The following ANXA10 variants were observed in gnomAD, a reference collection of about 807,000 sequenced individuals.
ANXA10 encodes the protein annexin A10.
A neutral mutation model predicts 53.5 loss-of-function variants in ANXA10; 49 were observed. That is an observed-to-expected ratio of 0.92 (90% confidence interval 0.73 to 1.16). The LOEUF (loss-of-function observed/expected upper bound fraction) is 1.16, where lower values mean the gene tolerates loss of function less well. Ranked by LOEUF, ANXA10 falls within the 50% of genes most tolerant of loss-of-function variation. The pLI, the probability that ANXA10 is intolerant of heterozygous loss-of-function variation, is 0.00. For missense variants in ANXA10, 393 were observed against 394.4 expected, an observed-to-expected ratio of 1.00 and a Z score of 0.03; for synonymous variants, 131 against 128.9, an observed-to-expected ratio of 1.02 and a Z score of -0.11.
chr4:168,179,620 T>A (rs529599343), intron 9 of ANXA10, among the ~76,000 whole-genome samples: 84 of 152,326 alleles, frequency 5.5e-4, no homozygotes, highest in African/African-American at 1.8e-3. Context: ...CACTGTTCAA[T>A]CCATTTTATC....
chr4:168,102,323 T>A (rs1460893973), intron 1 of ANXA10, among the ~76,000 whole-genome samples: 1 of 152,074 alleles, frequency 6.6e-6, no homozygotes, highest in Non-Finnish European at 1.5e-5. Context: ...ATGATTTAAG[T>A]CATGTATCCA....
intron 3 of ANXA10, among the ~76,000 whole-genome samples, chr4:168,155,765 TGATATATCA>T (rs1731620633): frequency 5.8e-5 from 1 of 17,264 alleles, no homozygotes; most frequent in Non-Finnish European, 8.7e-5. Flanking sequence ...ATATAATATA[TGATATATCA>T]TATATTATAT....
chr4:168,155,869 CATATATTATATGTTATATATA>C (rs1560783946), intron 3 of ANXA10, among the ~76,000 whole-genome samples: 159 of 3,042 alleles, frequency 0.052, 10 homozygotes, highest in African/African-American at 0.11. Context: ...TATGATATAT[CATATATTATATGTTATATATA>C]ATATATGATA....
intron 6 of ANXA10, among the ~76,000 whole-genome samples, chr4:168,170,911 C>T (rs978701953): frequency 3.3e-5 from 5 of 152,082 alleles, no homozygotes; most frequent in South Asian, 2.1e-4. Flanking sequence ...ATAGTCTCTT[C>T]GAAAATCAGA....
At chr4:168,172,935 G>A (rs1030888376) in intron 6 of ANXA10, among the ~76,000 whole-genome samples, 4 of 151,968 alleles carry the variant, frequency 2.6e-5, no homozygotes, top group Non-Finnish European at 4.4e-5. Flanking sequence ...GATTACAGAT[G>A]CCTGTCACCA....
intron 6 of ANXA10, 76 bp downstream of exon 6, chr4:168,165,402 AAAAAT>A: frequency 1.3e-6 from 1 of 780,020 alleles, no homozygotes; most frequent in Non-Finnish European, 1.9e-6. Context: ...AAAAAAAAAA[AAAAAT>A]AGAACAGAAA....
At chr4:168,098,144 A>G (rs1038846719) in intron 1 of ANXA10, among the ~76,000 whole-genome samples, 3 of 152,002 alleles carry the variant, frequency 2.0e-5, no homozygotes, top group African/African-American at 7.2e-5. Flanking sequence ...ATGTTTAACT[A>G]TATGTTCTTT....
intron 6 of ANXA10, among the ~76,000 whole-genome samples, chr4:168,166,342 T>C (rs1478645544): frequency 6.6e-6 from 1 of 152,232 alleles, no homozygotes; most frequent in African/African-American, 2.4e-5. Flanking sequence ...TCATTTATGT[T>C]TCTGTACTGG....
chr4:168,178,952 A>G (rs1343563555), intron 8 of ANXA10, among the ~76,000 whole-genome samples: 3 of 152,160 alleles, frequency 2.0e-5, no homozygotes, highest in African/African-American at 7.2e-5. Flanking sequence ...AATTTAAATC[A>G]GCAGTGAGTT....
At chr4:168,184,373 A>C (rs576325412) in intron 10 of ANXA10, among the ~76,000 whole-genome samples, 186 bp from the exon 11 acceptor site, 1 of 152,328 alleles carries the variant, frequency 6.6e-6, no homozygotes, top group East Asian at 1.9e-4. Flanking sequence ...GCATGCGGTA[A>C]GGGAGAGGGA....
At chr4:168,172,610 T>G (rs573746271) in intron 6 of ANXA10, among the ~76,000 whole-genome samples, 3 of 152,160 alleles carry the variant, frequency 2.0e-5, no homozygotes, top group African/African-American at 7.2e-5. Context: ...ACAGAAGAGA[T>G]AAAGATCCCA....
intron 1 of ANXA10, among the ~76,000 whole-genome samples, chr4:168,095,117 A>G (rs1730520545): frequency 6.6e-6 from 1 of 152,106 alleles, no homozygotes; most frequent in South Asian, 2.1e-4. Context: ...GTCAGGATCT[A>G]AACCCAGGTA....
intron 3 of ANXA10, among the ~76,000 whole-genome samples, chr4:168,153,831 T>G: frequency 6.6e-6 from 1 of 152,184 alleles, no homozygotes; most frequent in Middle Eastern, 3.2e-3. Flanking sequence ...TTAGCTGGTA[T>G]TTTGCACTGT....
chr4:168,170,997 T>TTGGCTTCTCACTTCTACATTAA (rs1731974388), intron 6 of ANXA10, among the ~76,000 whole-genome samples: 2 of 152,174 alleles, frequency 1.3e-5, no homozygotes, highest in Non-Finnish European at 2.9e-5. Context: ...AGATTTTCTA[T>TTGGCTTCTCACTTCTACATTAA]TGGCTTCTCA....
chr4:168,168,640 C>A (rs1731925248), intron 6 of ANXA10, among the ~76,000 whole-genome samples: 1 of 152,102 alleles, frequency 6.6e-6, no homozygotes. Context: ...AGGATGGTCT[C>A]AATCTCTTGA....
At chr4:168,145,175 C>A (rs373151841) in intron 3 of ANXA10, among the ~76,000 whole-genome samples, 1 of 152,100 alleles carries the variant, frequency 6.6e-6, no homozygotes, top group Non-Finnish European at 1.5e-5. Flanking sequence ...CCACTGAGCA[C>A]GGGGTCTGCA....
At chr4:168,152,393 G>A (rs6826234) in intron 3 of ANXA10, among the ~76,000 whole-genome samples, 1 of 152,274 alleles carries the variant, frequency 6.6e-6, no homozygotes, top group Middle Eastern at 3.4e-3. Context: ...GAAATCAGGA[G>A]CAAGGAGAAT....
intron 3 of ANXA10, 152 bp from the exon 4 acceptor site, chr4:168,162,376 G>A: frequency 3.1e-6 from 2 of 635,050 alleles, no homozygotes; most frequent in Non-Finnish European, 5.7e-6. Flanking sequence ...ATCATCTCAT[G>A]TAATGCATAC....
chr4:168,125,891 T>C (rs1057373713), intron 1 of ANXA10, among the ~76,000 whole-genome samples: 2 of 152,160 alleles, frequency 1.3e-5, no homozygotes, highest in African/African-American at 4.8e-5. Context: ...TAAATTCTTA[T>C]GTAACTAGAA....
Sources: allele counts gnomAD v4.1 joint callset (sites outside exome capture counted in the v4.1 genomes callset), GRCh38; gene constraint gnomAD v4.1.1; transcripts MANE v1.5; gene names NCBI Gene and HGNC (gene_info 2026-07-23, HGNC 2026-07-21).